Variants in RAPH1 observed in about 807,000 individuals in gnomAD.
RAPH1 encodes ras-associated and pleckstrin homology domains-containing protein 1.
RAPH1 carries 18 observed loss-of-function variants against 88.1 expected under a neutral mutation model. The ratio of observed to expected loss-of-function variants is 0.20; its 90% CI spans 0.14 to 0.30. RAPH1 has a LOEUF of 0.30. RAPH1 is among the 10% of genes least tolerant of loss of function. The probability of loss-of-function intolerance (pLI) is 1.00; values close to 1 mark genes in which losing one functional copy is unlikely to be tolerated. For synonymous variants in RAPH1, 587 were observed against 559.0 expected, an observed-to-expected ratio of 1.05 and a Z score of -0.71; for missense variants, 1,448 against 1,543.2, an observed-to-expected ratio of 0.94 and a Z score of 1.03.
At chr2:203,441,525 A>G in intron 13 of RAPH1, 112 bp from the exon 14 acceptor site, 1 of 1,409,698 alleles carries the variant, frequency 7.1e-7, no homozygotes, top group Non-Finnish European at 9.2e-7. Flanking sequence ...TGGGACATGC[A>G]TGAAAAGGAT....
chr2:203,473,618 A>G (rs987160399), intron 4 of RAPH1, among the ~76,000 whole-genome samples: 1 of 152,044 alleles, frequency 6.6e-6, no homozygotes, highest in Non-Finnish European at 1.5e-5. Context: ...TGCTATGGAG[A>G]TCTTACTGTA....
chr2:203,439,765 G>T lies in RAPH1; in HGVS notation c.3425C>A (p.Pro1142Gln). The change falls in exon 14 of 14, where the codon CCA becomes CAA. Residue 1142 changes from proline (P) to glutamine (Q), a missense_variant. Physicochemically the swap from Pro to Gln is moderately conservative, Grantham distance 76. Coordinates refer to ENST00000319170, the MANE Select transcript of RAPH1 (RefSeq NM_213589.3). ...RLTQAEISEQ[P>Q]TMATVVPQVP... ...TTGTGGCACAACTGTGGCCATTGTT[G>T]GCTGCTCAGAAATCTCAGCTTGAGT... is the stretch of plus-strand genomic sequence containing the variant. 1 of 1,614,162 alleles carries T rather than the reference G, an allele frequency of 6.2e-7. No individual in the cohort carries two copies. The highest frequency in any genetic ancestry group is 8.5e-7 in the Non-Finnish European group (1 of 1,180,032).
intron 13 of RAPH1, chr2:203,441,953 C>T (rs1421999494): frequency 1.7e-5 from 24 of 1,446,464 alleles, no homozygotes; most frequent in Middle Eastern, 1.8e-4. Flanking sequence ...GTTGAGCAGG[C>T]GTGCACAGTC....
intron 2 of RAPH1, among the ~76,000 whole-genome samples, chr2:203,493,526 T>C (rs1489721352): frequency 2.6e-5 from 4 of 152,198 alleles, no homozygotes; most frequent in African/African-American, 9.7e-5. Flanking sequence ...CTAGTGATAA[T>C]CTCTATGCTT....
rs60319054 is a variant in RAPH1 at position 203,527,727 on chromosome 2, G to A, written c.-1+7384C>T. Among the ~76,000 whole-genome samples the A allele has an allele frequency of 7.8e-3, 1,168 of 150,178 alleles. 7 individuals are homozygous for A. The highest frequency in any genetic ancestry group is 0.027 in the African/African-American group (1,101 of 40,700). ...AGGCAGGAGAATCGCTTGAACCCGG[G>A]AGGCGAAGGTTGTGGTGAGCCAAGA... On this transcript the variant is annotated intron_variant, in intron 1 of 13. Coordinates refer to ENST00000319170, the MANE Select transcript of RAPH1 (RefSeq NM_213589.3).
chr2:203,449,978 G>A (rs1300242592), intron 10 of RAPH1, among the ~76,000 whole-genome samples: 2 of 150,234 alleles, frequency 1.3e-5, no homozygotes, highest in African/African-American at 4.9e-5. Context: ...AGCCAAGATC[G>A]TGCCACCGCA....
At chr2:203,530,817 G>A (rs1690357008) in intron 1 of RAPH1, among the ~76,000 whole-genome samples, 1 of 151,978 alleles carries the variant, frequency 6.6e-6, no homozygotes, top group African/African-American at 2.4e-5. Context: ...GCTTGAGCCT[G>A]GGAGGCAGAG....
Position 203,448,763 on chromosome 2 carries a change from C to A in RAPH1, c.1487G>T (p.Trp496Leu). 6.2e-7 allele frequency: 1 copy of A among 1,608,354 alleles called. No homozygotes were observed. The highest frequency in any genetic ancestry group is 8.5e-7 in the Non-Finnish European group (1 of 1,177,222). Reference protein sequence around the residue: ...CCDDVRTLHQWVNGIRIAKYG... With the variant: ...CCDDVRTLHQLVNGIRIAKYG... The stretch of plus-strand genomic sequence containing the variant: ...CTTTGCAATGCGGATCCCATTGACC[C>A]ACTGATGCAGTGTCCTCACATCATC... The change falls in exon 11 of 14, where the codon TGG (tryptophan) becomes TTG (leucine). Residue 496 changes from tryptophan (W) to leucine (L), a missense_variant. By Grantham distance (61) the Trp-to-Leu change is moderately conservative. Coordinates refer to ENST00000319170, the MANE Select transcript of RAPH1 (RefSeq NM_213589.3). This position sits in a 1 kb window ranked among gnomAD's most constrained non-coding sequence, Gnocchi z 4.1.
At chr2:203,531,852 T>C (rs1040395135) in intron 1 of RAPH1, among the ~76,000 whole-genome samples, 4 of 152,138 alleles carry the variant, frequency 2.6e-5, no homozygotes, top group Non-Finnish European at 5.9e-5. Flanking sequence ...AAATTAAATA[T>C]AGAATTAGCA....
intron 4 of RAPH1, among the ~76,000 whole-genome samples, chr2:203,475,716 CAT>C (rs912788792): frequency 6.8e-6 from 1 of 147,782 alleles, no homozygotes; most frequent in Non-Finnish European, 1.5e-5. Flanking sequence ...GGGGTCCACT[CAT>C]ATTTCTGTTC....
At chr2:203,522,458 T>C (rs752155210) in intron 1 of RAPH1, among the ~76,000 whole-genome samples, 2 of 152,208 alleles carry the variant, frequency 1.3e-5, no homozygotes, top group East Asian at 1.9e-4. Flanking sequence ...GATTAGAAGA[T>C]GCAATATTAT....
At chr2:203,457,642 A>AT in intron 7 of RAPH1, 47 bp from the exon 8 acceptor site, 1 of 1,378,220 alleles carries the variant, frequency 7.3e-7, no homozygotes, top group Non-Finnish European at 1.0e-6. Context: ...AGAAAAAAAG[A>AT]AGGTTAAAGC....
At chr2:203,506,746 A>ATATATATATCTATATATATATCTATC (rs1553630375) in intron 1 of RAPH1, among the ~76,000 whole-genome samples, 29 of 118,852 alleles carry the variant, frequency 2.4e-4, no homozygotes, top group Non-Finnish European at 4.1e-4. Context: ...ATATATCTAT[A>ATATATATATCTATATATATATCTATC]TATATATATA....
At chr2:203,526,809 G>A (rs1234934237) in intron 1 of RAPH1, among the ~76,000 whole-genome samples, 1 of 145,942 alleles carries the variant, frequency 6.9e-6, no homozygotes, top group Non-Finnish European at 1.5e-5. Flanking sequence ...TTTTGAGACA[G>A]AGTCTCGCTC....
At position 203,489,912 on chromosome 2, in the gene RAPH1, C is replaced by T. The variant is rs1313530961; in HGVS notation, c.404G>A (p.Gly135Glu). 6.2e-7 allele frequency: 1 copy of T among 1,614,216 alleles called. No individual in the cohort carries two copies. The highest frequency in any genetic ancestry group is 8.5e-7 in the Non-Finnish European group (1 of 1,180,044). The change falls in exon 4 of 14, where the codon GGA becomes GAA. Residue 135 changes from glycine (G) to glutamate (E), a missense_variant. Transcript: ENST00000319170. The stretch of plus-strand genomic sequence containing the variant: ...TATCCTATTAGATGAAGAAGATAAT[C>T]CTTTCAAGGTGCCATGTTTCAATGT... ...RHTLKHGTLK[G>E]LSSSSNRIAK...
At chr2:203,452,298 A>G (rs2098515578) in intron 10 of RAPH1, among the ~76,000 whole-genome samples, 1 of 152,158 alleles carries the variant, frequency 6.6e-6, no homozygotes, top group Non-Finnish European at 1.5e-5. Flanking sequence ...ACAGAAGATC[A>G]CTCTGACCTT....
intron 12 of RAPH1, 24 bp from the exon 13 acceptor site, chr2:203,445,034 A>G: frequency 5.0e-6 from 8 of 1,605,160 alleles, no homozygotes; most frequent in Non-Finnish European, 6.8e-6. Context: ...TTTTTTAAAC[A>G]TAGGTTTAAA....
At chr2:203,504,460 G>C (rs1688888293) in intron 1 of RAPH1, among the ~76,000 whole-genome samples, 1 of 152,126 alleles carries the variant, frequency 6.6e-6, no homozygotes, top group South Asian at 2.1e-4. Context: ...TGGGACACAG[G>C]GCACCAAGTC....
intron 4 of RAPH1, among the ~76,000 whole-genome samples, chr2:203,489,173 A>G (rs1314581392): frequency 6.6e-6 from 1 of 152,138 alleles, no homozygotes; most frequent in Non-Finnish European, 1.5e-5. Flanking sequence ...AGATAATGAA[A>G]TGGAGTTAAC....
Sources: gnomAD v4.1 joint callset for allele counts (sites outside exome capture counted in the v4.1 genomes callset) on GRCh38, gnomAD v4.1.1 for gene constraint, Gnocchi (gnomAD v3.1) non-coding constraint, MANE v1.5 for transcripts, NCBI Gene and HGNC (gene_info 2026-07-23, HGNC 2026-07-21) for gene names.